Variants in LSAMP observed in about 807,000 individuals in gnomAD.
LSAMP encodes limbic system associated membrane protein.
Under a neutral mutation model 38.6 loss-of-function variants are expected in LSAMP, and 7 were observed. The ratio of observed to expected loss-of-function variants is 0.18; its 90% CI spans 0.10 to 0.34. The LOEUF is 0.34. Ranked by LOEUF, LSAMP falls within the 10% of genes least tolerant of loss-of-function variation. LSAMP has a pLI of 1.00. For synonymous variants in LSAMP, 154 were observed against 166.8 expected, an observed-to-expected ratio of 0.92 and a Z score of 0.59; for missense variants, 313 against 420.0, an observed-to-expected ratio of 0.75 and a Z score of 2.23.
intron 1 of LSAMP, among the ~76,000 whole-genome samples, chr3:116,413,768 CAAAG>C (rs2107843872): frequency 6.6e-6 from 1 of 151,862 alleles, no homozygotes; most frequent in Admixed American, 6.6e-5. Flanking sequence ...ATACAGTAAA[CAAAG>C]AGAAAAATTC....
chr3:116,378,826 T>G (rs2048522737), intron 1 of LSAMP, among the ~76,000 whole-genome samples: 1 of 152,080 alleles, frequency 6.6e-6, no homozygotes, highest in South Asian at 2.1e-4. Context: ...TAGATATGTC[T>G]ATAAGATACA....
intron 1 of LSAMP, among the ~76,000 whole-genome samples, chr3:116,432,179 T>C (rs2049290745): frequency 6.6e-6 from 1 of 151,994 alleles, no homozygotes; most frequent in Non-Finnish European, 1.5e-5. Flanking sequence ...TTTGGTTTTC[T>C]GTATAAGTGA....
At chr3:116,231,110 G>GT (rs1474231239) in intron 1 of LSAMP, among the ~76,000 whole-genome samples, 1 of 152,170 alleles carries the variant, frequency 6.6e-6, no homozygotes, top group African/African-American at 2.4e-5. Context: ...GAACGCCCAT[G>GT]TTTGTTTAAG....
chr3:115,919,780 T>A (rs868441463), intron 3 of LSAMP, among the ~76,000 whole-genome samples: 2 of 152,060 alleles, frequency 1.3e-5, no homozygotes, highest in African/African-American at 4.8e-5. Flanking sequence ...TCTGACTAAT[T>A]TTTGTATTTT....
At chr3:116,261,496 T>G (rs938534113) in intron 1 of LSAMP, among the ~76,000 whole-genome samples, 1 of 152,206 alleles carries the variant, frequency 6.6e-6, no homozygotes, top group African/African-American at 2.4e-5. Context: ...GATGCTCTCT[T>G]CTTCATAGCA....
At chr3:116,288,005 A>G (rs1017313690) in intron 1 of LSAMP, among the ~76,000 whole-genome samples, 2 of 152,212 alleles carry the variant, frequency 1.3e-5, no homozygotes, top group East Asian at 1.9e-4. Context: ...TGCTGCCTCT[A>G]TAGAAGGGAG....
chr3:115,835,127 A>G (rs1373011735), intron 6 of LSAMP, among the ~76,000 whole-genome samples: 1 of 152,164 alleles, frequency 6.6e-6, no homozygotes, highest in Non-Finnish European at 1.5e-5. Flanking sequence ...ACTTTACATT[A>G]CTGATACCAG....
At chr3:116,108,070 G>C (rs1285282576) in intron 1 of LSAMP, among the ~76,000 whole-genome samples, 103 of 152,070 alleles carry the variant, frequency 6.8e-4, no homozygotes, top group Non-Finnish European at 5.0e-4. Flanking sequence ...TATTGGCATT[G>C]AGCGGGGTAA....
At chr3:116,048,468 A>G in intron 2 of LSAMP, among the ~76,000 whole-genome samples, 1 of 152,228 alleles carries the variant, frequency 6.6e-6, no homozygotes, top group South Asian at 2.1e-4. Context: ...TATCCACAAA[A>G]GCACATCTCT....
At chr3:116,261,984 A>G (rs1218182336) in intron 1 of LSAMP, among the ~76,000 whole-genome samples, 1 of 151,678 alleles carries the variant, frequency 6.6e-6, no homozygotes, top group African/African-American at 2.4e-5. Flanking sequence ...GGGTTTTTAT[A>G]CTTTATGTGG....
rs1304648228 is a variant in LSAMP, at chr3:116,189,663, G to T, written c.156-103107C>A. Among the ~76,000 whole-genome samples, 4 of 152,098 alleles carry T rather than the reference G, an allele frequency of 2.6e-5. No individual in the cohort carries two copies. The South Asian group carries it at 8.3e-4, about 32-fold the overall frequency. ...AGAGAAGGTCCTACAATGCATTTTG[G>T]TGTAAGTTTTTAAGTGGCCTATATC... On this transcript the variant is annotated intron_variant, in intron 1 of 6. Coordinates refer to ENST00000490035, the MANE Select transcript of LSAMP (RefSeq NM_002338.5).
At chr3:116,047,302 T>G (rs1481084279) in intron 2 of LSAMP, among the ~76,000 whole-genome samples, 1 of 151,686 alleles carries the variant, frequency 6.6e-6, no homozygotes, top group East Asian at 1.9e-4. Context: ...GAGGCAAATA[T>G]TTCAAAGAGT....
intron 1 of LSAMP, among the ~76,000 whole-genome samples, chr3:116,215,526 A>G (rs1377321113): frequency 6.6e-6 from 1 of 152,134 alleles, no homozygotes; most frequent in African/African-American, 2.4e-5. Flanking sequence ...ATGCAAAACT[A>G]TCTTCATCAA....
In LSAMP at chr3:116,177,477, T is replaced by C. The variant is rs558131655; in HGVS notation, c.156-90921A>G. ...TTCTTGAGATTCAATAAATGCAAAA[T>C]AGGTTGGTAAGTTTTCACAATGTAG... On this transcript the variant is annotated intron_variant, in intron 1 of 6. Transcript: ENST00000490035. Among the ~76,000 whole-genome samples, 5 of 152,124 alleles carry C rather than the reference T, an allele frequency of 3.3e-5. No individual in the cohort carries two copies. The South Asian group carries it at 1.0e-3, about 32-fold the overall frequency.
intron 6 of LSAMP, among the ~76,000 whole-genome samples, chr3:115,829,132 C>T (rs1225045501): frequency 6.6e-6 from 1 of 152,084 alleles, no homozygotes; most frequent in Non-Finnish European, 1.5e-5. Context: ...TGGATTTATT[C>T]TTGCTAGCAA....
intron 3 of LSAMP, among the ~76,000 whole-genome samples, chr3:116,007,356 A>T (rs1940191522): frequency 6.6e-6 from 1 of 152,102 alleles, no homozygotes; most frequent in South Asian, 2.1e-4. Flanking sequence ...TTTTATTGGC[A>T]TGTCTTTTAT....
chr3:115,910,688 T>C (rs1021171838), intron 3 of LSAMP, among the ~76,000 whole-genome samples: 12 of 152,168 alleles, frequency 7.9e-5, no homozygotes, highest in Admixed American at 7.9e-4. Context: ...GCCACACCAC[T>C]TCTCTCCTGT....
At chr3:116,243,057 A>G (rs2046559281) in intron 1 of LSAMP, among the ~76,000 whole-genome samples, 1 of 152,208 alleles carries the variant, frequency 6.6e-6, no homozygotes. Context: ...AAGGCAACAA[A>G]GTGATTAGTC....
At chr3:115,826,622 C>G (rs571606499) in intron 6 of LSAMP, among the ~76,000 whole-genome samples, 1 of 152,152 alleles carries the variant, frequency 6.6e-6, no homozygotes. Flanking sequence ...CCTTTGTCAT[C>G]CCCAAAACCC....
Sources: allele counts gnomAD v4.1 joint callset (sites outside exome capture counted in the v4.1 genomes callset), GRCh38; gene constraint gnomAD v4.1.1; transcripts MANE v1.5; gene names NCBI Gene and HGNC (gene_info 2026-07-23, HGNC 2026-07-21).